The following MYBPC1 variants were observed in gnomAD, a reference collection of about 807,000 sequenced individuals.
MYBPC1 encodes the protein myosin-binding protein C, slow-type.
MYBPC1 carries 52 observed loss-of-function variants against 147.1 expected under a neutral mutation model. That is an observed-to-expected ratio of 0.35 (90% confidence interval 0.28 to 0.45). MYBPC1 has a LOEUF of 0.45. MYBPC1 is among the 20% of genes least tolerant of loss of function. The pLI is 1.00. For missense variants in MYBPC1, 1,228 were observed against 1,440.3 expected (o/e 0.85, Z 2.39); for synonymous variants, 477 against 475.9 (o/e 1.00, Z -0.03).
chr12:101,625,166 T>C (rs1888304378), intron 3 of MYBPC1, among the ~76,000 whole-genome samples: 1 of 149,790 alleles, frequency 6.7e-6, no homozygotes, highest in Admixed American at 6.7e-5. Flanking sequence ...TTAACCACAC[T>C]GTAACTTATA....
At chr12:101,612,320 G>A (rs1884600753) in intron 1 of MYBPC1, among the ~76,000 whole-genome samples, 1 of 152,148 alleles carries the variant, frequency 6.6e-6, no homozygotes, top group Admixed American at 6.5e-5. Flanking sequence ...AATTGCCCAT[G>A]ATTGCACAAT....
intron 11 of MYBPC1, 106 bp from the exon 12 acceptor site, chr12:101,644,558 T>C: frequency 9.3e-7 from 1 of 1,072,736 alleles, no homozygotes; most frequent in Non-Finnish European, 1.4e-6. Flanking sequence ...TTTCTTGAGA[T>C]TCATTTTTTC....
At chr12:101,642,207 A>G (rs1226171238) in intron 10 of MYBPC1, among the ~76,000 whole-genome samples, 1 of 152,204 alleles carries the variant, frequency 6.6e-6, no homozygotes. Flanking sequence ...GAAAGGTGTT[A>G]CTATAAGGGC....
intron 10 of MYBPC1, among the ~76,000 whole-genome samples, chr12:101,638,034 C>G (rs1480512427): frequency 2.0e-5 from 3 of 152,138 alleles, no homozygotes. Flanking sequence ...TGACTTATCC[C>G]AAGTCACACA....
Position 101,678,263 on chromosome 12 carries a change from G to A in MYBPC1, c.3246+25G>A, listed in dbSNP as rs757374589. 15 of 1,612,722 alleles carry A rather than the reference G, an allele frequency of 9.3e-6. No individual in the cohort carries two copies. In the South Asian group the frequency reaches 1.3e-4, roughly 14 times the overall value. ...GGTACCATGTTCTTCTATCACATCA[G>A]TTAAAGTCCCTGTCTTGTATTTGTT... is the stretch of plus-strand genomic sequence containing the variant. On this transcript the variant is annotated intron_variant, in intron 28 of 31. Transcript: ENST00000361466.
chr12:101,687,482 G>A (rs552743026), downstream of MYBPC1, among the ~76,000 whole-genome samples: 37 of 152,212 alleles, frequency 2.4e-4, no homozygotes, highest in South Asian at 3.5e-3. Context: ...ATTGTTGGGC[G>A]TTCCAAGTCT....
At chr12:101,615,876 T>C (rs1885902466) in intron 2 of MYBPC1, among the ~76,000 whole-genome samples, 1 of 152,092 alleles carries the variant, frequency 6.6e-6, no homozygotes, top group South Asian at 2.1e-4. Context: ...GAGATCGTTT[T>C]TCTTTTTTCT....
chr12:101,646,640 A>G lies in MYBPC1; in HGVS notation c.966-123A>G, dbSNP rs77650305. On this transcript the variant is annotated intron_variant, in intron 12 of 31. Transcript: ENST00000361466. ...TGCAACAGAGCAAGACCCTGTCTCA[A>G]AAAAAAACAACAGATCCTTGACTTT... 285,876 of 1,192,248 alleles carry G rather than the reference A, an allele frequency of 0.24. 36,108 individuals carry two copies. Among genetic ancestry groups the G allele is most frequent in the East Asian group, 0.3 (11,910 of 39,094 alleles). The allele number at this position is 1,192,248 out of a possible 1,614,324, so 73.9% of individuals were successfully genotyped here. A position where few individuals can be genotyped will look rare whatever the true frequency, so the allele number is the denominator to read the frequency against.
chr12:101,690,477 A>G (rs1438989025), downstream of MYBPC1, among the ~76,000 whole-genome samples: 4 of 152,218 alleles, frequency 2.6e-5, no homozygotes, highest in South Asian at 2.1e-4. Context: ...GACTAACTCA[A>G]TGTGGGATGT....
At chr12:101,636,759 T>C (rs368265285) in intron 10 of MYBPC1, 31 bp downstream of exon 10, 23 of 1,597,788 alleles carry the variant, frequency 1.4e-5, no homozygotes, top group African/African-American at 6.7e-5. Flanking sequence ...TGAGACATTG[T>C]GGCCTGGAAG....
chr12:101,614,713 T>A, intron 2 of MYBPC1, 182 bp downstream of exon 2: 1 of 652,898 alleles, frequency 1.5e-6, no homozygotes, highest in Non-Finnish European at 2.7e-6. Context: ...GTTTATATAA[T>A]CCTCTTGTGT....
downstream of MYBPC1, among the ~76,000 whole-genome samples, chr12:101,688,838 A>G (rs2136981617): frequency 6.6e-6 from 1 of 151,970 alleles, no homozygotes; most frequent in South Asian, 2.1e-4. Context: ...CTGTAGTCCC[A>G]GCTACTCAGA....
chr12:101,602,074 A>G (rs1356593801), intron 1 of MYBPC1, among the ~76,000 whole-genome samples: 1 of 152,216 alleles, frequency 6.6e-6, no homozygotes, highest in Non-Finnish European at 1.5e-5. Context: ...AGACAGCTCA[A>G]ATTCCAGCTG....
intron 9 of MYBPC1, among the ~76,000 whole-genome samples, chr12:101,635,940 T>C (rs1161535573): frequency 6.6e-6 from 1 of 152,236 alleles, no homozygotes; most frequent in East Asian, 1.9e-4. Flanking sequence ...CAGTGGTGGC[T>C]GCATGCCTAA....
At chr12:101,666,381 C>T (rs1190779839) in intron 22 of MYBPC1, 2 of 300,982 alleles carry the variant, frequency 6.6e-6, no homozygotes, top group Non-Finnish European at 1.3e-5. Flanking sequence ...GTGCGCTGCT[C>T]CCCCGCAGAT....
At chr12:101,686,610 A>G (rs539696509), downstream of MYBPC1, among the ~76,000 whole-genome samples, 86 of 152,362 alleles carry the variant, frequency 5.6e-4, no homozygotes, top group African/African-American at 2.0e-3. Context: ...ACTGTAAGGT[A>G]CCACAGCATT....
intron 2 of MYBPC1, 33 bp from the exon 3 acceptor site, chr12:101,617,169 A>G (rs1010548868): frequency 4.3e-6 from 7 of 1,612,430 alleles, no homozygotes; most frequent in African/African-American, 1.3e-5. Context: ...GCTTTAAGGC[A>G]CTTTAAAAAA....
chr12:101,629,413 T>C, intron 5 of MYBPC1, 21 bp from the exon 6 acceptor site: 1 of 1,485,312 alleles, frequency 6.7e-7, no homozygotes, highest in African/African-American at 1.4e-5. Context: ...AATAATCCTT[T>C]TCCTCCTTTC....
chr12:101,610,191 A>T (rs1883731697), intron 1 of MYBPC1, among the ~76,000 whole-genome samples: 1 of 152,176 alleles, frequency 6.6e-6, no homozygotes, highest in Non-Finnish European at 1.5e-5. Flanking sequence ...AGACAACTGG[A>T]ATTCTCTGTT....
Sources: gnomAD v4.1 joint callset for allele counts (sites outside exome capture counted in the v4.1 genomes callset) on GRCh38, gnomAD v4.1.1 for gene constraint, MANE v1.5 for transcripts, NCBI Gene and HGNC (gene_info 2026-07-23, HGNC 2026-07-21) for gene names.